The following TMC1 variants were observed in gnomAD, a reference collection of about 807,000 sequenced individuals.
The protein encoded by TMC1 is transmembrane channel like 1.
Under a neutral mutation model 105.8 loss-of-function variants are expected in TMC1, and 84 were observed. That is an observed-to-expected ratio of 0.79 (90% confidence interval 0.67 to 0.95). The LOEUF (loss-of-function observed/expected upper bound fraction) is 0.95. TMC1 is among the 40% of genes least tolerant of loss of function. TMC1 has a pLI of 0.00. For synonymous variants in TMC1, 315 were observed against 311.5 expected (o/e 1.01, Z -0.12); for missense variants, 817 against 914.1 (o/e 0.89, Z 1.37).
At chr9:72,693,069 G>A (rs1371037308) in intron 6 of TMC1, among the ~76,000 whole-genome samples, 2 of 150,294 alleles carry the variant, frequency 1.3e-5, no homozygotes, top group South Asian at 2.1e-4. Context: ...GCAGTGAGCC[G>A]AGACTGTGCT....
intron 1 of TMC1, among the ~76,000 whole-genome samples, chr9:72,531,999 T>G (rs922486801): frequency 6.6e-6 from 1 of 152,068 alleles, no homozygotes. Flanking sequence ...TGGTGTGATC[T>G]TGGCTCACTG....
rs1355444681 is a variant in TMC1 at position 72,820,862 on chromosome 9, C to T, written c.1784C>T (p.Pro595Leu). 1 of 1,614,132 alleles carries T rather than the reference C, an allele frequency of 6.2e-7. No homozygotes were observed. The highest frequency in any genetic ancestry group is 8.5e-7 in the Non-Finnish European group (1 of 1,180,014). Residue 595 changes from proline (P) to leucine (L), a missense_variant, in exon 20 of 24, where the codon CCC becomes CTC. Pro to Leu is a moderately conservative substitution (Grantham distance 98). Transcript: ENST00000297784. ...GMIWMGSFFA[P>L]SLPGINILRL... The stretch of plus-strand genomic sequence containing the variant: ...TCTAGGATGGGCTCCTTCTTTGCTC[C>T]CAGCCTCCCAGGCATCAATATCCTT...
chr9:72,543,952 C>CTTTTTT (rs1554710174), intron 1 of TMC1, among the ~76,000 whole-genome samples: 3 of 134,342 alleles, frequency 2.2e-5, no homozygotes, highest in Admixed American at 7.7e-5. Context: ...TTCTTTCTTT[C>CTTTTTT]TTTTTTTTTT....
At chr9:72,650,606 T>C (rs1031047223) in intron 5 of TMC1, among the ~76,000 whole-genome samples, 10 of 151,888 alleles carry the variant, frequency 6.6e-5, no homozygotes, top group African/African-American at 1.5e-4. Flanking sequence ...CAGGTACCTA[T>C]GTCCAGAACC....
intron 2 of TMC1, among the ~76,000 whole-genome samples, chr9:72,603,276 A>G (rs1480861064): frequency 1.3e-5 from 2 of 151,984 alleles, no homozygotes; most frequent in African/African-American, 4.8e-5. Context: ...CCACACACCA[A>G]GGCTTTTTTA....
At chr9:72,720,751 C>G (rs1221023713) in intron 8 of TMC1, among the ~76,000 whole-genome samples, 1 of 152,138 alleles carries the variant, frequency 6.6e-6, no homozygotes, top group Non-Finnish European at 1.5e-5. Flanking sequence ...TATCTCAGTC[C>G]CAAAGTGTCA....
At chr9:72,536,534 G>A (rs1402475124) in intron 1 of TMC1, among the ~76,000 whole-genome samples, 2 of 152,096 alleles carry the variant, frequency 1.3e-5, no homozygotes, top group East Asian at 3.9e-4. Context: ...GGGTTTCACT[G>A]TGTTAGCCAG....
chr9:72,542,014 T>C (rs1325809365), intron 1 of TMC1, among the ~76,000 whole-genome samples: 1 of 151,892 alleles, frequency 6.6e-6, no homozygotes. Context: ...GTATTTGCAA[T>C]ACTAGAGCCA....
At chr9:72,663,441 C>T (rs1408018905) in intron 5 of TMC1, among the ~76,000 whole-genome samples, 1 of 152,042 alleles carries the variant, frequency 6.6e-6, no homozygotes, top group African/African-American at 2.4e-5. Flanking sequence ...CAGCCTAGTC[C>T]CCAGGAAAGA....
At chr9:72,673,070 A>C (rs1394943141) in intron 5 of TMC1, among the ~76,000 whole-genome samples, 3 of 152,220 alleles carry the variant, frequency 2.0e-5, no homozygotes, top group African/African-American at 7.2e-5. Context: ...GATATCTGGC[A>C]AATCCCCAAA....
intron 18 of TMC1, among the ~76,000 whole-genome samples, chr9:72,807,114 G>A (rs1476677892): frequency 3.3e-5 from 5 of 152,212 alleles, no homozygotes; most frequent in African/African-American, 9.6e-5. Context: ...CCAGTCAGGC[G>A]TGTCGGCGCG....
At chr9:72,733,374 G>A (rs1018226106) in intron 8 of TMC1, among the ~76,000 whole-genome samples, 17 of 152,076 alleles carry the variant, frequency 1.1e-4, no homozygotes, top group African/African-American at 4.1e-4. Context: ...GTCTCAAATG[G>A]AGGGTTGAAT....
chr9:72,804,039 A>G (rs138058857), intron 17 of TMC1, among the ~76,000 whole-genome samples: 7 of 152,368 alleles, frequency 4.6e-5, no homozygotes, highest in African/African-American at 1.7e-4. Flanking sequence ...ACACCATAGA[A>G]TACTACGCAG....
At chr9:72,806,404 G>GGACGGGGCGGCTGGCGGGGGGCTGACC (rs1564567689) in intron 18 of TMC1, among the ~76,000 whole-genome samples, 8 of 123,252 alleles carry the variant, frequency 6.5e-5, no homozygotes, top group Non-Finnish European at 1.1e-4. Flanking sequence ...GGGGGCTGAC[G>GGACGGGGCGGCTGGCGGGGGGCTGACC]CCCCCACCTC....
At chr9:72,828,460 T>C (rs1360834185) in intron 21 of TMC1, among the ~76,000 whole-genome samples, 1 of 152,136 alleles carries the variant, frequency 6.6e-6, no homozygotes, top group African/African-American at 2.4e-5. Flanking sequence ...ATGTCAGATT[T>C]CGTTACCATA....
chr9:72,581,651 A>C (rs1824477227), intron 2 of TMC1, among the ~76,000 whole-genome samples: 1 of 152,214 alleles, frequency 6.6e-6, no homozygotes, highest in Non-Finnish European at 1.5e-5. Context: ...TGTTCTTGGT[A>C]TATTTTGCTT....
chr9:72,532,241 A>G (rs1823508879), intron 1 of TMC1, among the ~76,000 whole-genome samples: 1 of 152,004 alleles, frequency 6.6e-6, no homozygotes, highest in South Asian at 2.1e-4. Context: ...TGAAGTTTTG[A>G]TTAAAAATGC....
chr9:72,539,631 A>G (rs1242406106), intron 1 of TMC1, among the ~76,000 whole-genome samples: 2 of 152,134 alleles, frequency 1.3e-5, no homozygotes, highest in Non-Finnish European at 2.9e-5. Context: ...CATTTTGGTC[A>G]AAACCACTTA....
At chr9:72,779,502 G>A (rs999167550) in intron 13 of TMC1, among the ~76,000 whole-genome samples, 4 of 152,122 alleles carry the variant, frequency 2.6e-5, no homozygotes, top group Non-Finnish European at 2.9e-5. Context: ...AACCCAATAC[G>A]ATGAACCTAA....
Sources: gnomAD v4.1 joint callset for allele counts (sites outside exome capture counted in the v4.1 genomes callset) on GRCh38, gnomAD v4.1.1 for gene constraint, MANE v1.5 for transcripts, NCBI Gene and HGNC (gene_info 2026-07-23, HGNC 2026-07-21) for gene names.